The following KDSR variants were observed in gnomAD, a reference collection of about 807,000 sequenced individuals.
KDSR encodes 3-dehydrosphinganine reductase.
A neutral mutation model predicts 41.3 loss-of-function variants in KDSR; 23 were observed. The ratio of observed to expected loss-of-function variants is 0.56; its 90% CI spans 0.40 to 0.79. KDSR has a LOEUF of 0.79. Ranked by LOEUF, KDSR falls within the 30% of genes least tolerant of loss-of-function variation. The probability of loss-of-function intolerance (pLI) is 0.00; values close to 1 mark genes in which losing one functional copy is unlikely to be tolerated. For missense variants in KDSR, 351 were observed against 416.8 expected, an observed-to-expected ratio of 0.84 and a Z score of 1.37; for synonymous variants, 138 against 151.7, an observed-to-expected ratio of 0.91 and a Z score of 0.66.
In KDSR at chr18:63,327,824, T is replaced by C. The variant is rs559396304; in HGVS notation, c.*3958A>G. ...ATTACAATTCTGCCACAAAAGCTTC[T>C]AAAGTAGCAAACACAACTTTGTGTA... On this transcript the variant is annotated 3_prime_UTR_variant, in exon 10 of 10. Transcript: ENST00000645214. 1 of 193,102 alleles carries C rather than the reference T, an allele frequency of 5.2e-6. No individual in the cohort carries two copies. Among genetic ancestry groups the C allele is most frequent in the Non-Finnish European group, 1.1e-5 (1 of 92,578 alleles). The allele number at this position is 193,102 out of a possible 1,614,324, so 12.0% of individuals were successfully genotyped here.
intron 2 of KDSR, among the ~76,000 whole-genome samples, chr18:63,361,898 C>T (rs932554883): frequency 6.6e-6 from 1 of 152,222 alleles, no homozygotes; most frequent in African/African-American, 2.4e-5. Context: ...CAAGGCCCTT[C>T]CTGGCCTACC....
rs780067439 is a variant in KDSR at position 63,335,354 on chromosome 18, C to T, written c.782G>A (p.Gly261Glu). ...AKQIVKDAIQ[G>E]NFNSSLGSDG... ...TGAGCCAAGGGAACTGTTGAAATTT[C>T]CTTGCTAAAAGAGAAGAAAAAGAAG... is the stretch of plus-strand genomic sequence containing the variant. The change falls in exon 9 of 10, where the codon GGA becomes GAA. Residue 261 changes from glycine (G) to glutamate (E), a missense_variant. Coordinates refer to ENST00000645214, the MANE Select transcript of KDSR (RefSeq NM_002035.4). 7 of 1,611,018 alleles carry T rather than the reference C, an allele frequency of 4.3e-6. No homozygotes were observed. The highest frequency in any genetic ancestry group is 5.9e-6 in the Non-Finnish European group (7 of 1,177,422).
At chr18:63,354,632 C>T (rs1914748346) in intron 5 of KDSR, among the ~76,000 whole-genome samples, 1 of 152,106 alleles carries the variant, frequency 6.6e-6, no homozygotes, top group East Asian at 1.9e-4. Context: ...CACGCCACTG[C>T]ACTCCAGCCT....
chr18:63,339,889 A>G (rs1200227163), intron 7 of KDSR, among the ~76,000 whole-genome samples: 1 of 152,256 alleles, frequency 6.6e-6, no homozygotes, highest in African/African-American at 2.4e-5. Flanking sequence ...GCTTGAAGGA[A>G]TTAAAGAAAA....
intron 3 of KDSR, among the ~76,000 whole-genome samples, chr18:63,355,926 C>T (rs1914782156): frequency 6.6e-6 from 1 of 152,208 alleles, no homozygotes; most frequent in Admixed American, 6.5e-5. Context: ...GGCCTCAGTG[C>T]TGATTCCTTT....
intron 2 of KDSR, among the ~76,000 whole-genome samples, chr18:63,361,686 G>A (rs1188758193): frequency 2.6e-5 from 4 of 151,890 alleles, no homozygotes; most frequent in Non-Finnish European, 5.9e-5. Context: ...GTGGTGGTGG[G>A]CGCCTGTAGT....
intron 7 of KDSR, among the ~76,000 whole-genome samples, chr18:63,340,155 C>A (rs1316146808): frequency 1.3e-5 from 2 of 152,184 alleles, no homozygotes; most frequent in Non-Finnish European, 2.9e-5. Context: ...ACTGAAAAAA[C>A]CCCAACTTAA....
At chr18:63,366,874 G>A (rs1034689938) in intron 1 of KDSR, 137 bp downstream of exon 1, 6 of 422,290 alleles carry the variant, frequency 1.4e-5, no homozygotes, top group Non-Finnish European at 2.4e-5. Context: ...GGTGGACGGC[G>A]GCAGGTGACC....
intron 2 of KDSR, 125 bp downstream of exon 2, chr18:63,362,654 G>C: frequency 1.6e-6 from 1 of 642,280 alleles, no homozygotes; most frequent in East Asian, 2.8e-5. Flanking sequence ...AGTAGTTCAG[G>C]AAACACATCT....
intron 3 of KDSR, 62 bp downstream of exon 3, chr18:63,359,673 GT>G (rs1273954428): frequency 8.5e-5 from 92 of 1,078,640 alleles, no homozygotes; most frequent in Non-Finnish European, 1.1e-4. Context: ...AAGTAACTCT[GT>G]TTTTCCTTTA....
Position 63,331,770 on chromosome 18 carries a change from G to A in KDSR, c.*12C>T. On this transcript the variant is annotated 3_prime_UTR_variant, in exon 10 of 10. Coordinates refer to ENST00000645214, the MANE Select transcript of KDSR (RefSeq NM_002035.4). The stretch of plus-strand genomic sequence containing the variant: ...TTATTTGGAAACAGTCTTCTTCCAA[G>A]GGGTAAGAAGATTAGGCAGTTTTGT... 1.2e-6 allele frequency: 2 copies of A among 1,610,806 alleles called. No homozygotes were observed. Among genetic ancestry groups the A allele is most frequent in the Non-Finnish European group, 1.7e-6 (2 of 1,178,612 alleles).
At chr18:63,365,213 T>C (rs1599342905) in intron 1 of KDSR, among the ~76,000 whole-genome samples, 1 of 152,350 alleles carries the variant, frequency 6.6e-6, no homozygotes, top group East Asian at 1.9e-4. Flanking sequence ...GTGGGTGATT[T>C]TCTGCTTTTT....
Position 63,329,287 on chromosome 18 carries a change from A to C in KDSR, c.*2495T>G. 4.8e-6 allele frequency: 1 copy of C among 207,866 alleles called. No individual in the cohort carries two copies. The highest frequency in any genetic ancestry group is 7.3e-5 in the East Asian group (1 of 13,776). 12.9% of individuals were successfully genotyped at this position (207,866 alleles called of 1,614,324 possible). On this transcript the variant is annotated 3_prime_UTR_variant, in exon 10 of 10. Coordinates refer to ENST00000645214, the MANE Select transcript of KDSR (RefSeq NM_002035.4). ...AAAAAGGCAATATGGGCATATTTTG[A>C]ATATTACAAAACACCTCCACAGCAT...
In KDSR at chr18:63,329,759, G is replaced by A. The variant is rs1913918973; in HGVS notation, c.*2023C>T. ...ATGTTATTAAATCAGACACTTTCTT[G>A]GACTAGATTCTAATATAGATCAGCA... On this transcript the variant is annotated 3_prime_UTR_variant, in exon 10 of 10. Transcript: ENST00000645214. The A allele has an allele frequency of 5.2e-6, 1 of 194,016 alleles. No individual in the cohort carries two copies. The highest frequency in any genetic ancestry group is 1.1e-5 in the Non-Finnish European group (1 of 93,300). The allele number at this position is 194,016 out of a possible 1,614,324, so 12.0% of individuals were successfully genotyped here.
chr18:63,361,027 T>TAATATATA (rs1914958272), intron 2 of KDSR, among the ~76,000 whole-genome samples: 1 of 38,238 alleles, frequency 2.6e-5, no homozygotes, highest in Non-Finnish European at 5.2e-5. Context: ...AAATATATAA[T>TAATATATA]ATATATAATA....
chr18:63,333,283 A>G (rs1486630983), intron 9 of KDSR, among the ~76,000 whole-genome samples: 1 of 152,170 alleles, frequency 6.6e-6, no homozygotes, highest in African/African-American at 2.4e-5. Flanking sequence ...ACAGGGTCTC[A>G]CTATGTTGCC....
At chr18:63,363,449 C>T (rs1319660054) in intron 1 of KDSR, among the ~76,000 whole-genome samples, 1 of 135,656 alleles carries the variant, frequency 7.4e-6, no homozygotes, top group Admixed American at 7.9e-5. Flanking sequence ...TCAATTCCCA[C>T]CTATGAGTGA....
At chr18:63,355,346 C>T in intron 4 of KDSR, 47 bp from the exon 5 acceptor site, 1 of 1,605,382 alleles carries the variant, frequency 6.2e-7, no homozygotes, top group South Asian at 1.1e-5. Context: ...AGAAGAAAAA[C>T]CACTCAGCAG....
chr18:63,331,270 G>GAGAGAGAGAGAGAGAC lies in KDSR; in HGVS notation c.*496_*511dup, dbSNP rs1267687992. On this transcript the variant is annotated 3_prime_UTR_variant, in exon 10 of 10. Coordinates refer to ENST00000645214, the MANE Select transcript of KDSR (RefSeq NM_002035.4). ...AATAAAATACACAAAGAAAGAAAGA[G>GAGAGAGAGAGAGAGAC]AGAGAGAGAGAGAGACAGAGAGACA... is the stretch of plus-strand genomic sequence containing the variant. 16 of 149,168 alleles carry GAGAGAGAGAGAGAGAC rather than the reference G, an allele frequency of 1.1e-4. 1 individual carries two copies. The highest frequency in any genetic ancestry group is 4.1e-4 in the African/African-American group (13 of 31,364). The allele number at this position is 149,168 out of a possible 1,614,324, so 9.2% of individuals were successfully genotyped here. A position where few individuals can be genotyped will look rare whatever the true frequency, so the allele number is the denominator to read the frequency against.
Sources: allele counts gnomAD v4.1 joint callset (sites outside exome capture counted in the v4.1 genomes callset), GRCh38; gene constraint gnomAD v4.1.1; transcripts MANE v1.5; gene names NCBI Gene and HGNC (gene_info 2026-07-23, HGNC 2026-07-21).